Variants in TRPS1 observed in about 807,000 individuals in gnomAD.
The protein encoded by TRPS1 is transcriptional repressor GATA binding 1.
TRPS1 carries 6 observed loss-of-function variants against 101.2 expected under a neutral mutation model. The ratio of observed to expected loss-of-function variants is 0.06; its 90% CI spans 0.03 to 0.12. TRPS1 has a LOEUF of 0.12. TRPS1 is among the 10% of genes least tolerant of loss of function. The pLI, the probability that TRPS1 is intolerant of heterozygous loss-of-function variation, is 1.00. For missense variants in TRPS1, 1,363 were observed against 1,567.0 expected (o/e 0.87, Z 2.20); for synonymous variants, 578 against 589.8 (o/e 0.98, Z 0.29).
intron 5 of TRPS1, among the ~76,000 whole-genome samples, chr8:115,427,159 C>A (rs1470625102): frequency 3.3e-5 from 5 of 151,360 alleles, no homozygotes; most frequent in African/African-American, 1.2e-4. Context: ...CATCTATAAT[C>A]TGAGCTACTC....
intron 5 of TRPS1, among the ~76,000 whole-genome samples, chr8:115,464,277 T>A (rs1339211368): frequency 6.6e-6 from 1 of 152,168 alleles, no homozygotes; most frequent in Admixed American, 6.5e-5. Flanking sequence ...GCAATCAGTA[T>A]AACTAGAGTG....
intron 5 of TRPS1, among the ~76,000 whole-genome samples, chr8:115,531,062 T>A (rs1460096704): frequency 2.0e-5 from 3 of 152,134 alleles, no homozygotes; most frequent in African/African-American, 7.2e-5. Flanking sequence ...ACATGTACCC[T>A]AGAACTTAAA....
At chr8:115,667,710 C>T (rs939060899) in intron 1 of TRPS1, among the ~76,000 whole-genome samples, 3 of 152,224 alleles carry the variant, frequency 2.0e-5, no homozygotes, top group African/African-American at 7.2e-5. Context: ...GCGACACCCG[C>T]CTTCTCCAGA....
intron 5 of TRPS1, among the ~76,000 whole-genome samples, chr8:115,517,628 T>C (rs1226326374): frequency 2.6e-5 from 4 of 151,736 alleles, no homozygotes; most frequent in Non-Finnish European, 4.4e-5. Flanking sequence ...ATTAATGTTA[T>C]GATATACTAA....
At chr8:115,490,717 C>T (rs1000578576) in intron 5 of TRPS1, among the ~76,000 whole-genome samples, 1 of 152,142 alleles carries the variant, frequency 6.6e-6, no homozygotes, top group African/African-American at 2.4e-5. Context: ...CAGAATTCAT[C>T]TCTTGAAATT....
chr8:115,546,239 G>T (rs1377428793), intron 5 of TRPS1, among the ~76,000 whole-genome samples: 2 of 151,484 alleles, frequency 1.3e-5, no homozygotes, highest in African/African-American at 4.8e-5. Flanking sequence ...ACACACATAT[G>T]TATACACTAT....
chr8:115,590,415 C>T (rs190090901), intron 4 of TRPS1, among the ~76,000 whole-genome samples: 5 of 152,160 alleles, frequency 3.3e-5, no homozygotes, highest in Admixed American at 3.3e-4. Context: ...ATTAAAACTA[C>T]AAATTACCAC....
rs144806733 is a variant in TRPS1 at position 115,567,016 on chromosome 8, C to T, written c.2700+19985G>A. Among the ~76,000 whole-genome samples, 325 of 152,216 alleles carry T rather than the reference C, an allele frequency of 2.1e-3. 1 individual carries two copies. Among genetic ancestry groups the T allele is most frequent in the African/African-American group, 7.4e-3 (307 of 41,546 alleles). On this transcript the variant is annotated intron_variant, in intron 5 of 6. Coordinates refer to ENST00000395715, the MANE Select transcript of TRPS1 (RefSeq NM_014112.5). ...CTGCTTTTTATCCTAAATAAACCCA[C>T]GCATCTTTCTCATTTGAGAAAATTT...
chr8:115,486,697 A>T (rs914319066), intron 5 of TRPS1, among the ~76,000 whole-genome samples: 1 of 152,230 alleles, frequency 6.6e-6, no homozygotes, highest in South Asian at 2.1e-4. Flanking sequence ...TATTCCCTTA[A>T]GCCAAAGTCT....
rs779412291 is a variant in TRPS1 at position 115,418,461 on chromosome 8, G to A, written c.2701-9C>T. On this transcript the variant is annotated splice_polypyrimidine_tract_variant and intron_variant, in intron 5 of 6. Transcript: ENST00000395715. This position sits in a 1 kb window ranked among gnomAD's most constrained non-coding sequence, Gnocchi z 4.3. ...CCGGAGCCTCTACGCCTCTGAAACA[G>A]GGGAAAAAAACCAAGGTCAGAGGTG... 2.5e-6 allele frequency: 4 copies of A among 1,613,524 alleles called. No individual in the cohort carries two copies. The highest frequency in any genetic ancestry group is 8.5e-7 in the Non-Finnish European group (1 of 1,179,762).
intron 5 of TRPS1, among the ~76,000 whole-genome samples, chr8:115,535,100 G>A (rs62513023): frequency 2.1e-5 from 3 of 146,082 alleles, no homozygotes; most frequent in African/African-American, 7.5e-5. Flanking sequence ...TATCGCATAT[G>A]TATAGCATAT....
intron 5 of TRPS1, among the ~76,000 whole-genome samples, chr8:115,474,738 G>A (rs910118943): frequency 2.6e-5 from 4 of 151,984 alleles, no homozygotes; most frequent in Admixed American, 6.6e-5. Context: ...GGCAAATTTC[G>A]GTTTCAAATG....
chr8:115,571,243 T>G (rs1817196195), intron 5 of TRPS1, among the ~76,000 whole-genome samples: 1 of 152,226 alleles, frequency 6.6e-6, no homozygotes, highest in African/African-American at 2.4e-5. Context: ...TTTAAAATGA[T>G]TATAATACAT....
Position 115,604,203 on chromosome 8 carries a change from T to C in TRPS1, c.1766A>G (p.Lys589Arg). ...CGGATAAGTAATTTCTCCAAGGTGC[T>C]TTTCTGGGCTGCAAAGTCCTCTGGG... The part of the protein sequence containing the change: ...FCPRGLCSPE[K>R]HLGEITYPFA... Residue 589 changes from lysine (K) to arginine (R), a missense_variant, in exon 4 of 7, where the codon AAG becomes AGG. This residue lies in a region of TRPS1 where 1,020 missense variants were observed against 1,073.0 expected (regional missense o/e 0.95). Transcript: ENST00000395715. The surrounding 1 kb of genome is among the most constrained non-coding windows in gnomAD (Gnocchi z 4.1). 1 of 1,614,078 alleles carries C rather than the reference T, an allele frequency of 6.2e-7. No homozygotes were observed. The highest frequency in any genetic ancestry group is 8.5e-7 in the Non-Finnish European group (1 of 1,179,984).
At chr8:115,582,886 T>G (rs967203012) in intron 5 of TRPS1, among the ~76,000 whole-genome samples, 2 of 152,224 alleles carry the variant, frequency 1.3e-5, no homozygotes, top group Non-Finnish European at 2.9e-5. Flanking sequence ...CATTTGAACC[T>G]ATGGAAGAAC....
chr8:115,527,914 A>T (rs1816038903), intron 5 of TRPS1, among the ~76,000 whole-genome samples: 1 of 152,084 alleles, frequency 6.6e-6, no homozygotes, highest in African/African-American at 2.4e-5. Context: ...AACCTTTCTA[A>T]CACATTACCA....
chr8:115,512,165 C>T (rs537246170), intron 5 of TRPS1, among the ~76,000 whole-genome samples: 1 of 151,748 alleles, frequency 6.6e-6, no homozygotes, highest in East Asian at 1.9e-4. Context: ...TGAAACTTGG[C>T]AAACAAGAAC....
At position 115,587,046 on chromosome 8, in the gene TRPS1, T is replaced by C. The variant is rs1432439131; in HGVS notation, c.2655A>G (p.Ala885=). 3.7e-6 allele frequency: 6 copies of C among 1,614,074 alleles called. No individual in the cohort carries two copies. The highest frequency in any genetic ancestry group is 5.1e-6 in the Non-Finnish European group (6 of 1,180,040). Residue 885 remains alanine, a synonymous_variant, in exon 5 of 7, where the codon GCA becomes GCG. Coordinates refer to ENST00000395715, the MANE Select transcript of TRPS1 (RefSeq NM_014112.5). The part of the protein sequence containing the change: ...KSGALPQQYP[A]SGENKSKDES... Reference sequence around the variant, plus strand: ...CATCCTTGGACTTGTTTTCTCCCGATGCAGGATACTGCTGGGGGAGGGCCC... The same window carrying C: ...CATCCTTGGACTTGTTTTCTCCCGACGCAGGATACTGCTGGGGGAGGGCCC...
chr8:115,602,410 G>A (rs1466787640), intron 4 of TRPS1, among the ~76,000 whole-genome samples: 1 of 152,188 alleles, frequency 6.6e-6, no homozygotes, highest in Non-Finnish European at 1.5e-5. Flanking sequence ...AAATTAACAT[G>A]CAGCTAACAT....
Sources: allele counts gnomAD v4.1 joint callset (sites outside exome capture counted in the v4.1 genomes callset), GRCh38; gene constraint gnomAD v4.1.1; regional missense constraint gnomAD v4.1.1; non-coding constraint Gnocchi (gnomAD v3.1); transcripts MANE v1.5; gene names NCBI Gene and HGNC (gene_info 2026-07-23, HGNC 2026-07-21).